The following DNM3 variants were observed in gnomAD, a reference collection of about 807,000 sequenced individuals.
DNM3 encodes dynamin 3, also known as dynamin-3.
DNM3 carries 47 observed loss-of-function variants against 101.6 expected under a neutral mutation model. The observed-to-expected ratio is 0.46, with a 90% CI of 0.37 to 0.59. DNM3 has a LOEUF of 0.59. Among genes scored for constraint, DNM3 ranks in the 20% least tolerant of loss-of-function variants. DNM3 has a pLI of 0.00. For synonymous variants in DNM3, 385 were observed against 387.9 expected (o/e 0.99, Z 0.09); for missense variants, 849 against 1,085.7 (o/e 0.78, Z 3.06).
Position 172,408,647 on chromosome 1 carries a change from A to C in DNM3, c.*806A>C. 1 of 985,072 alleles carries C rather than the reference A, an allele frequency of 1.0e-6. No individual in the cohort carries two copies. The highest frequency in any genetic ancestry group is 1.2e-6 in the Non-Finnish European group (1 of 829,612). The allele number at this position is 985,072 out of a possible 1,614,324, so 61.0% of individuals were successfully genotyped here. ...TCTTTACTTATATTCACCTCATGGT[A>C]GGTTATATTGAAGGCTGACATGGAG... On this transcript the variant is annotated 3_prime_UTR_variant, in exon 21 of 21. Coordinates refer to ENST00000627582, the MANE Select transcript of DNM3 (RefSeq NM_015569.5).
At chr1:171,842,525 A>G (rs1192008061) in intron 1 of DNM3, among the ~76,000 whole-genome samples, 1 of 152,196 alleles carries the variant, frequency 6.6e-6, no homozygotes, top group East Asian at 1.9e-4. Context: ...CAATTGTGAG[A>G]GAGCCCGAGG....
intron 14 of DNM3, among the ~76,000 whole-genome samples, chr1:172,218,293 A>G (rs1557832108): frequency 6.6e-6 from 1 of 152,154 alleles, no homozygotes. Flanking sequence ...TGAGATTAAT[A>G]GAAACTAAAT....
At chr1:172,158,337 T>G (rs1389366729) in intron 14 of DNM3, among the ~76,000 whole-genome samples, 2 of 151,976 alleles carry the variant, frequency 1.3e-5, no homozygotes, top group Non-Finnish European at 2.9e-5. Flanking sequence ...GGATCAGGAA[T>G]GTACCAGTGA....
At chr1:171,888,936 G>T (rs1980488) in intron 1 of DNM3, among the ~76,000 whole-genome samples, 5 of 152,062 alleles carry the variant, frequency 3.3e-5, no homozygotes, top group Non-Finnish European at 7.4e-5. Flanking sequence ...AGGATGGTAC[G>T]TAAGAAGAAA....
At chr1:171,881,904 A>C (rs2036297040) in intron 1 of DNM3, among the ~76,000 whole-genome samples, 1 of 152,250 alleles carries the variant, frequency 6.6e-6, no homozygotes, top group African/African-American at 2.4e-5. Flanking sequence ...ACATTTTAGG[A>C]ACTAAATCCT....
intron 15 of DNM3, among the ~76,000 whole-genome samples, chr1:172,263,943 A>G (rs2062763155): frequency 6.6e-6 from 1 of 152,242 alleles, no homozygotes; most frequent in South Asian, 2.1e-4. Context: ...TTTAGTTGTG[A>G]GATTATTATA....
chr1:171,960,649 C>T (rs993135953), intron 2 of DNM3, among the ~76,000 whole-genome samples: 5 of 152,014 alleles, frequency 3.3e-5, no homozygotes, highest in East Asian at 1.9e-4. Flanking sequence ...GGAAGAGAAA[C>T]CTGAGCAGAT....
intron 10 of DNM3, among the ~76,000 whole-genome samples, chr1:172,066,946 CTGTGTTTGTG>C (rs2051719021): frequency 9.2e-6 from 1 of 108,802 alleles, no homozygotes; most frequent in African/African-American, 3.3e-5. Context: ...CTCTCTGTCT[CTGTGTTTGTG>C]TGTGTGTGTG....
chr1:172,349,955 A>G (rs898493582), intron 17 of DNM3, among the ~76,000 whole-genome samples: 5 of 152,168 alleles, frequency 3.3e-5, no homozygotes, highest in Non-Finnish European at 5.9e-5. Context: ...AACTCATGCT[A>G]AGGCCAGAAG....
intron 13 of DNM3, among the ~76,000 whole-genome samples, chr1:172,108,588 C>G (rs2055236801): frequency 6.6e-6 from 1 of 152,140 alleles, no homozygotes; most frequent in African/African-American, 2.4e-5. Context: ...GGAGCATTCA[C>G]TAATTAGGGA....
At chr1:172,376,503 G>C (rs1256081664) in intron 17 of DNM3, 2 of 152,020 alleles carry the variant, frequency 1.3e-5, no homozygotes, top group African/African-American at 4.8e-5. Flanking sequence ...GGAGAATTTG[G>C]TTAGAACTGG....
chr1:171,918,827 A>G (rs1047328497), intron 1 of DNM3, among the ~76,000 whole-genome samples: 8 of 152,248 alleles, frequency 5.3e-5, no homozygotes, highest in African/African-American at 1.9e-4. Context: ...TTTGCTATTT[A>G]TAATGTTTGA....
intron 2 of DNM3, among the ~76,000 whole-genome samples, chr1:171,980,485 G>GA (rs747422011): frequency 1.3e-5 from 2 of 151,906 alleles, no homozygotes; most frequent in Non-Finnish European, 2.9e-5. Flanking sequence ...CTAGCTATTT[G>GA]AAAATATACA....
chr1:172,334,687 G>A (rs1320971411), intron 17 of DNM3, among the ~76,000 whole-genome samples: 1 of 151,862 alleles, frequency 6.6e-6, no homozygotes, highest in Non-Finnish European at 1.5e-5. Context: ...AGCAGTAACT[G>A]CTTCATATGA....
rs528213894 is a variant in DNM3, at chr1:172,117,091, G to A, written c.1546-14084G>A. 3.3e-5 allele frequency among the ~76,000 whole-genome samples: 5 copies of A among 152,042 alleles called. No homozygotes were observed. In the East Asian group the frequency reaches 9.7e-4, roughly 30 times the overall value. On this transcript the variant is annotated intron_variant, in intron 13 of 20. Coordinates refer to ENST00000627582, the MANE Select transcript of DNM3 (RefSeq NM_015569.5). Reference sequence around the variant, plus strand: ...ATGGTGGTGCATGCTTGTAATCCCAGCTACTTGGGAGGCTGAGACAGGAGA... The same window carrying A: ...ATGGTGGTGCATGCTTGTAATCCCAACTACTTGGGAGGCTGAGACAGGAGA...
At chr1:172,036,399 A>G (rs1221227797) in intron 6 of DNM3, among the ~76,000 whole-genome samples, 1 of 151,986 alleles carries the variant, frequency 6.6e-6, no homozygotes, top group Non-Finnish European at 1.5e-5. Flanking sequence ...AAACTATACT[A>G]CAAGGCTACA....
intron 13 of DNM3, among the ~76,000 whole-genome samples, chr1:172,127,303 C>G (rs1399486578): frequency 6.6e-6 from 1 of 151,948 alleles, no homozygotes. Flanking sequence ...AAGGCTAGAC[C>G]CTTCTCTTTG....
At position 172,231,808 on chromosome 1, in the gene DNM3, G is replaced by A. The variant is rs184126087; in HGVS notation, c.1660-21765G>A. On this transcript the variant is annotated intron_variant, in intron 14 of 20. Transcript: ENST00000627582. ...CTATGTGATGAATGCACAAGCTTCA[G>A]TAGCCAATTCGATCAAATGGAAGAA... Among the ~76,000 whole-genome samples, 27 of 152,350 alleles carry A rather than the reference G, an allele frequency of 1.8e-4. No homozygotes were observed. The East Asian group carries it at 5.2e-3, about 29-fold the overall frequency.
intron 15 of DNM3, among the ~76,000 whole-genome samples, chr1:172,298,437 C>T (rs1441224482): frequency 6.6e-6 from 1 of 152,180 alleles, no homozygotes; most frequent in Admixed American, 6.5e-5. Context: ...AGTAGAAAAA[C>T]TTAGCCCCTC....
Sources: allele counts gnomAD v4.1 joint callset (sites outside exome capture counted in the v4.1 genomes callset), GRCh38; gene constraint gnomAD v4.1.1; transcripts MANE v1.5; gene names NCBI Gene and HGNC (gene_info 2026-07-23, HGNC 2026-07-21).